CHRNA1: variants seen among roughly 807,000 people sequenced by gnomAD.
CHRNA1 encodes the protein cholinergic receptor nicotinic alpha 1 subunit, also known as acetylcholine receptor subunit alpha.
CHRNA1 carries 35 observed loss-of-function variants against 47.1 expected under a neutral mutation model. The ratio of observed to expected loss-of-function variants is 0.74; its 90% CI spans 0.57 to 0.99. The LOEUF is 0.99. Among genes scored for constraint, CHRNA1 ranks in the 50% least tolerant of loss-of-function variants. The pLI is 0.00. For missense variants in CHRNA1, 506 were observed against 591.1 expected, an observed-to-expected ratio of 0.86 and a Z score of 1.49; for synonymous variants, 229 against 223.6, an observed-to-expected ratio of 1.02 and a Z score of -0.22.
chr2:174,763,637 A>G (rs956040602), intron 1 of CHRNA1, among the ~76,000 whole-genome samples: 1 of 152,146 alleles, frequency 6.6e-6, no homozygotes, highest in Non-Finnish European at 1.5e-5. Context: ...GGGATTCAGG[A>G]TGGTGTTTCA....
intron 1 of CHRNA1, among the ~76,000 whole-genome samples, chr2:174,763,096 A>T (rs1319594930): frequency 1.3e-5 from 2 of 152,204 alleles, no homozygotes; most frequent in African/African-American, 4.8e-5. Flanking sequence ...AGGATGTTGG[A>T]CTGCCTGATC....
rs771004002 is a variant in CHRNA1, at chr2:174,753,627, G to A, written c.654C>T (p.Tyr218=). ...TGACGAAGTGGTAGGTGATGTCCAG[G>A]TAGGGGGTGTCGGGGCAGCAGGAAT... The part of the protein sequence containing the change: ...VTYSCCPDTP[Y]LDITYHFVMQ... The change falls in exon 6 of 9, where the codon TAC becomes TAT. Residue 218 remains tyrosine, a synonymous_variant. Transcript: ENST00000348749. 4.3e-6 allele frequency: 7 copies of A among 1,614,026 alleles called. No individual in the cohort carries two copies. In the East Asian group the frequency reaches 1.1e-4, roughly 26 times the overall value.
chr2:174,758,060 G>A lies in CHRNA1; in HGVS notation c.235-385C>T, dbSNP rs2646164. The A allele has an allele frequency of 1, 1,613,179 of 1,613,942 alleles. 806,214 individuals are homozygous for A. Among genetic ancestry groups the A allele is most frequent in the Middle Eastern group, 1 (6,062 of 6,062 alleles). ...AAAAGGAGAAAGACCTAGTGTGAAC[G>A]TTTTTCTCAAGCAGGCAACATCATT... On this transcript the variant is annotated intron_variant, in intron 3 of 8. Transcript: ENST00000348749.
Position 174,747,848 on chromosome 2 carries a change from C to G in CHRNA1, c.*276G>C. 2 of 409,568 alleles carry G rather than the reference C, an allele frequency of 4.9e-6. No homozygotes were observed. Among genetic ancestry groups the G allele is most frequent in the Non-Finnish European group, 9.1e-6 (2 of 218,662 alleles). 25.4% of individuals were successfully genotyped at this position (409,568 alleles called of 1,614,324 possible). On this transcript the variant is annotated 3_prime_UTR_variant, in exon 9 of 9. Transcript: ENST00000348749. Reference sequence around the variant, plus strand: ...AACCTCGGTTATCCTGGCAAAAACTCTTCCAGACACTGGAAATGAACACTT... The same window carrying G: ...AACCTCGGTTATCCTGGCAAAAACTGTTCCAGACACTGGAAATGAACACTT...
chr2:174,760,545 C>CT (rs938630444), intron 1 of CHRNA1, among the ~76,000 whole-genome samples: 2 of 152,108 alleles, frequency 1.3e-5, no homozygotes, highest in Admixed American at 6.6e-5. Context: ...TTACCAGGGA[C>CT]TGGGGGGGAG....
intron 3 of CHRNA1, chr2:174,757,960 G>T (rs373012030): frequency 4.6e-5 from 72 of 1,567,960 alleles, no homozygotes; most frequent in Non-Finnish European, 6.1e-5. Flanking sequence ...TTCTGCAGAT[G>T]AGAAAACAAA....
At chr2:174,752,816 C>T (rs1174376953) in intron 6 of CHRNA1, 1 of 150,854 alleles carries the variant, frequency 6.6e-6, no homozygotes, top group Non-Finnish European at 1.5e-5. Flanking sequence ...TGAGGTCTGT[C>T]TGTAGCATCT....
intron 1 of CHRNA1, among the ~76,000 whole-genome samples, chr2:174,762,190 A>G (rs1204319270): frequency 6.6e-6 from 1 of 152,172 alleles, no homozygotes; most frequent in Non-Finnish European, 1.5e-5. Context: ...AGATTGGTTC[A>G]CTGGTATTCT....
chr2:174,757,084 C>T (rs1000736621), intron 4 of CHRNA1, among the ~76,000 whole-genome samples: 8 of 152,096 alleles, frequency 5.3e-5, no homozygotes, highest in African/African-American at 1.9e-4. Flanking sequence ...TGATGAGTGA[C>T]AACCCTAGGA....
intron 1 of CHRNA1, 22 bp downstream of exon 1, chr2:174,764,330 C>T (rs1684151998): frequency 4.3e-6 from 7 of 1,611,584 alleles, no homozygotes; most frequent in African/African-American, 2.7e-5. Context: ...GCCCTCTCCC[C>T]ACCCCTGACC....
At chr2:174,758,138 G>A (rs774498716) in intron 3 of CHRNA1, 80 of 1,453,148 alleles carry the variant, frequency 5.5e-5, no homozygotes, top group Non-Finnish European at 7.5e-5. Context: ...TCTGGGCATG[G>A]TGGCTCATGC....
chr2:174,749,802 A>T (rs1683809900), intron 7 of CHRNA1, 144 bp downstream of exon 7: 2 of 717,516 alleles, frequency 2.8e-6, no homozygotes, highest in South Asian at 3.1e-5. Context: ...GGCCAAAGAA[A>T]GTTCCTTCCA....
chr2:174,759,701 G>T, intron 1 of CHRNA1, 68 bp from the exon 2 acceptor site: 1 of 1,585,610 alleles, frequency 6.3e-7, no homozygotes. Context: ...TGAACATGAG[G>T]AACTGAGGAA....
rs1216041693 is a variant in CHRNA1 at position 174,754,250 on chromosome 2, G to A, written c.509C>T (p.Thr170Ile). Residue 170 changes from threonine (T) to isoleucine (I), a missense_variant, in exon 5 of 9, where the codon ACC becomes ATC. Transcript: ENST00000348749. ...GATGGCCACGACAGAGCCGTCGTAG[G>A]TCCAGGTGCCCAGCTTCATGCTGCA... Reference protein sequence around the residue: ...QNCSMKLGTWTYDGSVVAINP... With the variant: ...QNCSMKLGTWIYDGSVVAINP... 6.2e-7 allele frequency: 1 copy of A among 1,613,982 alleles called. No individual in the cohort carries two copies. Among genetic ancestry groups the A allele is most frequent in the Admixed American group, 1.7e-5 (1 of 60,024 alleles).
intron 7 of CHRNA1, 41 bp downstream of exon 7, chr2:174,749,905 A>G (rs893156705): frequency 2.6e-6 from 4 of 1,552,156 alleles, no homozygotes; most frequent in Non-Finnish European, 3.6e-6. Context: ...AGGCCTGTAG[A>G]TGTGCCTCCG....
rs773794266 is a variant in CHRNA1 at position 174,764,440 on chromosome 2, C to T, written c.-46G>A. 6 of 1,594,284 alleles carry T rather than the reference C, an allele frequency of 3.8e-6. No individual in the cohort carries two copies. The East Asian group carries it at 9.0e-5, about 24-fold the overall frequency. On this transcript the variant is annotated 5_prime_UTR_variant, in exon 1 of 9. Coordinates refer to ENST00000348749, the MANE Select transcript of CHRNA1 (RefSeq NM_000079.4). Reference sequence around the variant, plus strand: ...GACCAGGGCAGAGTGGTGGCCTGTGCTTCTCACTGGCACTCTGGCTGGGTG... The same window carrying T: ...GACCAGGGCAGAGTGGTGGCCTGTGTTTCTCACTGGCACTCTGGCTGGGTG...
intron 5 of CHRNA1, 85 bp downstream of exon 5, chr2:174,754,134 G>C (rs57711430): frequency 4.0e-6 from 5 of 1,242,476 alleles, no homozygotes; most frequent in East Asian, 2.3e-5. Flanking sequence ...CTGGTACTGA[G>C]AGCCTATGAT....
Position 174,754,203 on chromosome 2 carries a change from T to A in CHRNA1, c.540+16A>T. 1 of 1,612,472 alleles carries A rather than the reference T, an allele frequency of 6.2e-7. No individual in the cohort carries two copies. Among genetic ancestry groups the A allele is most frequent in the South Asian group, 1.1e-5 (1 of 91,002 alleles). On this transcript the variant is annotated intron_variant, in intron 5 of 8. Coordinates refer to ENST00000348749, the MANE Select transcript of CHRNA1 (RefSeq NM_000079.4). ...TTTTCCTGAAACCACCCTTATCATATGTGGCCACCACCTACCGGGTTGATG... is the reference window on the plus strand; with the variant it reads ...TTTTCCTGAAACCACCCTTATCATAAGTGGCCACCACCTACCGGGTTGATG...
Position 174,759,562 on chromosome 2 carries a change from C to A in CHRNA1, c.115G>T (p.Val39Leu). The change falls in exon 2 of 9, where the codon GTG becomes TTG. Residue 39 changes from valine to leucine, a missense_variant. Physicochemically the swap from Val to Leu is conservative, Grantham distance 32 (BLOSUM62 1). Coordinates refer to ENST00000348749, the MANE Select transcript of CHRNA1 (RefSeq NM_000079.4). The stretch of plus-strand genomic sequence containing the variant: ...TGGCGGTGGTCTTCCACTGGCCGCA[C>A]CACGCTGCTGTAGTCTTTAAATAGC... ...AKLFKDYSSV[V>L]RPVEDHRQVV... 1 of 1,614,018 alleles carries A rather than the reference C, an allele frequency of 6.2e-7. No homozygotes were observed. The highest frequency in any genetic ancestry group is 8.5e-7 in the Non-Finnish European group (1 of 1,179,982).
Sources: allele counts gnomAD v4.1 joint callset (sites outside exome capture counted in the v4.1 genomes callset), GRCh38; gene constraint gnomAD v4.1.1; transcripts MANE v1.5; gene names NCBI Gene and HGNC (gene_info 2026-07-23, HGNC 2026-07-21).